NPAS2: variants seen among roughly 807,000 people sequenced by gnomAD.
NPAS2 encodes neuronal PAS domain-containing protein 2.
Under a neutral mutation model 107.5 loss-of-function variants are expected in NPAS2, and 23 were observed. That is an observed-to-expected ratio of 0.21 (90% CI 0.15 to 0.30). The LOEUF (loss-of-function observed/expected upper bound fraction) is 0.30, where lower values mean the gene tolerates loss of function less well. NPAS2 is among the 10% of genes least tolerant of loss of function. The pLI is 1.00. For missense variants in NPAS2, 756 were observed against 1,043.3 expected, an observed-to-expected ratio of 0.72 and a Z score of 3.79; for synonymous variants, 403 against 417.5, an observed-to-expected ratio of 0.97 and a Z score of 0.42.
intron 1 of NPAS2, among the ~76,000 whole-genome samples, chr2:100,858,820 G>A (rs1342078136): frequency 6.6e-6 from 1 of 152,106 alleles, no homozygotes; most frequent in East Asian, 1.9e-4. Context: ...ACGTCAGTGT[G>A]CACGCCCCGT....
In NPAS2 at chr2:100,945,881, G is replaced by A. The variant is rs932102093; in HGVS notation, c.364-2354G>A. 2.0e-5 allele frequency among the ~76,000 whole-genome samples: 3 copies of A among 152,126 alleles called. No homozygotes were observed. The East Asian group carries it at 5.8e-4, about 29-fold the overall frequency. The stretch of plus-strand genomic sequence containing the variant: ...CAGCACACCATCCACAGTGTTCTCC[G>A]GGCACCTTGTTTTAATGCCTGTCAT... On this transcript the variant is annotated intron_variant, in intron 5 of 20. Coordinates refer to ENST00000335681, the MANE Select transcript of NPAS2 (RefSeq NM_002518.4).
rs139145460 is a variant in NPAS2 at position 100,836,680 on chromosome 2, G to A, written c.-23+16266G>A. 2.6e-5 allele frequency among the ~76,000 whole-genome samples: 4 copies of A among 152,258 alleles called. No homozygotes were observed. In the East Asian group the frequency reaches 5.8e-4, roughly 22 times the overall value. On this transcript the variant is annotated intron_variant, in intron 1 of 20. Coordinates refer to ENST00000335681, the MANE Select transcript of NPAS2 (RefSeq NM_002518.4). ...AATGCCCTTCTTCTTTCTTCCGTAC[G>A]CACGGAACTGTTTTGCATCTTGGTT...
At chr2:100,852,375 T>C (rs528529231) in intron 1 of NPAS2, among the ~76,000 whole-genome samples, 18 of 152,144 alleles carry the variant, frequency 1.2e-4, no homozygotes, top group East Asian at 7.7e-4. Flanking sequence ...CCAGCCTGGG[T>C]GACAGAGCGA....
chr2:100,938,325 G>A (rs1684465457), intron 5 of NPAS2, among the ~76,000 whole-genome samples: 1 of 152,268 alleles, frequency 6.6e-6, no homozygotes, highest in South Asian at 2.1e-4. Flanking sequence ...TGGCAGCAGG[G>A]CCGGTTCCTG....
chr2:100,981,118 C>CTT (rs1677410426), intron 15 of NPAS2, among the ~76,000 whole-genome samples: 7 of 152,142 alleles, frequency 4.6e-5, no homozygotes, highest in African/African-American at 1.7e-4. Context: ...GCTTCAAAAG[C>CTT]TATGCTTTCA....
intron 7 of NPAS2, among the ~76,000 whole-genome samples, chr2:100,952,553 A>C (rs1675291988): frequency 6.6e-6 from 1 of 152,026 alleles, no homozygotes; most frequent in African/African-American, 2.4e-5. Flanking sequence ...AACAAGAGCA[A>C]AACTCTGTCT....
chr2:100,855,420 G>T (rs781204095), intron 1 of NPAS2, among the ~76,000 whole-genome samples: 2 of 152,160 alleles, frequency 1.3e-5, no homozygotes, highest in Admixed American at 1.3e-4. Context: ...GTGAGTGATA[G>T]GTGTCACAAC....
Position 100,965,696 on chromosome 2 carries a change from G to T in NPAS2, c.837G>T (p.Val279=). ...TCATAGGATACCTGCCTTTTGAAGT[G>T]CTGGGAACCTCAGGCTATGACTACT... The part of the protein sequence containing the change: ...PPIIGYLPFE[V]LGTSGYDYYH... Residue 279 remains valine (V), a synonymous_variant, in exon 10 of 21, where the codon GTG becomes GTT. Transcript: ENST00000335681. The surrounding 1 kb of genome is among the most constrained non-coding windows in gnomAD (Gnocchi z 4.3). 3 of 1,614,058 alleles carry T rather than the reference G, an allele frequency of 1.9e-6. No individual in the cohort carries two copies. The highest frequency in any genetic ancestry group is 2.5e-6 in the Non-Finnish European group (3 of 1,179,946).
intron 2 of NPAS2, among the ~76,000 whole-genome samples, chr2:100,908,775 G>C (rs965539928): frequency 6.6e-6 from 1 of 152,160 alleles, no homozygotes; most frequent in Non-Finnish European, 1.5e-5. Context: ...TGTTTCCATA[G>C]TCCCATACCT....
At position 100,821,495 on chromosome 2, in the gene NPAS2, A is replaced by G. The variant is rs758235614; in HGVS notation, c.-23+1081A>G. Among the ~76,000 whole-genome samples, 11 of 152,326 alleles carry G rather than the reference A, an allele frequency of 7.2e-5. No individual in the cohort carries two copies. In the East Asian group the frequency reaches 1.9e-3, roughly 27 times the overall value. On this transcript the variant is annotated intron_variant, in intron 1 of 20. Coordinates refer to ENST00000335681, the MANE Select transcript of NPAS2 (RefSeq NM_002518.4). ...AAAACATTGATCACTTATTAAATTA[A>G]CTTAATCAGCAGAGACGAGCTAAAC...
chr2:100,858,449 G>T (rs1445237192), intron 1 of NPAS2, among the ~76,000 whole-genome samples: 1 of 152,026 alleles, frequency 6.6e-6, no homozygotes, highest in Non-Finnish European at 1.5e-5. Flanking sequence ...TAATTTCCTC[G>T]CTGAGCAGAG....
rs143228502 is a variant in NPAS2 at position 100,964,718 on chromosome 2, G to A, written c.718-143G>A. On this transcript the variant is annotated intron_variant, in intron 8 of 20. Coordinates refer to ENST00000335681, the MANE Select transcript of NPAS2 (RefSeq NM_002518.4). ...GCTAATACCGAAATTAGCTACAGAT[G>A]ATGAGTTTCAGTCCAACACGACTTG... 7 of 599,206 alleles carry A rather than the reference G, an allele frequency of 1.2e-5. No homozygotes were observed. In the East Asian group the frequency reaches 2.3e-4, roughly 19 times the overall value. The allele number at this position is 599,206 out of a possible 1,614,324, so 37.1% of individuals were successfully genotyped here.
chr2:100,958,769 G>A (rs1473243152), intron 7 of NPAS2, among the ~76,000 whole-genome samples: 1 of 152,034 alleles, frequency 6.6e-6, no homozygotes, highest in Non-Finnish European at 1.5e-5. Context: ...TTGAAGACAG[G>A]GGCGAGGGAA....
rs566494151 is a variant in NPAS2, at chr2:100,951,757, A to G, written c.598+2277A>G. Among the ~76,000 whole-genome samples, 92 of 152,266 alleles carry G rather than the reference A, an allele frequency of 6.0e-4. 1 individual carries two copies. Among genetic ancestry groups the G allele is most frequent in the African/African-American group, 2.1e-3 (87 of 41,558 alleles). ...AGGAGTCCTTGAGGTGGATGGTGGG[A>G]TGGTTGCACAGCAGTGTGAATATAC... On this transcript the variant is annotated intron_variant, in intron 7 of 20. Coordinates refer to ENST00000335681, the MANE Select transcript of NPAS2 (RefSeq NM_002518.4).
At chr2:100,900,119 A>G (rs1048027095) in intron 1 of NPAS2, among the ~76,000 whole-genome samples, 1 of 152,238 alleles carries the variant, frequency 6.6e-6, no homozygotes, top group South Asian at 2.1e-4. Context: ...TCAAAATTTA[A>G]AACTGCTCAT....
intron 7 of NPAS2, among the ~76,000 whole-genome samples, chr2:100,960,268 C>G (rs932103880): frequency 1.3e-5 from 2 of 152,036 alleles, no homozygotes; most frequent in African/African-American, 2.4e-5. Flanking sequence ...GAAAGACCAT[C>G]ATGATAGCAC....
chr2:100,934,799 A>G (rs1300478411), intron 4 of NPAS2: 1 of 985,324 alleles, frequency 1.0e-6, no homozygotes, highest in East Asian at 1.1e-4. Context: ...ACCATTGTCC[A>G]GTGCAACCTT....
At chr2:100,963,539 C>T (rs976324296) in intron 7 of NPAS2, among the ~76,000 whole-genome samples, 1 of 152,138 alleles carries the variant, frequency 6.6e-6, no homozygotes, top group East Asian at 1.9e-4. Context: ...GTTGGGATTA[C>T]AGGCACACAC....
At chr2:100,908,996 T>A (rs987892993) in intron 2 of NPAS2, among the ~76,000 whole-genome samples, 3 of 152,194 alleles carry the variant, frequency 2.0e-5, no homozygotes, top group African/African-American at 7.2e-5. Flanking sequence ...AGGGAAGAGT[T>A]CAAACATAAG....
Sources: gnomAD v4.1 joint callset for allele counts (sites outside exome capture counted in the v4.1 genomes callset) on GRCh38, gnomAD v4.1.1 for gene constraint, Gnocchi (gnomAD v3.1) non-coding constraint, MANE v1.5 for transcripts, NCBI Gene and HGNC (gene_info 2026-07-23, HGNC 2026-07-21) for gene names.